The following MAP3K4 variants were observed in gnomAD, a reference collection of about 807,000 sequenced individuals.
MAP3K4 encodes the protein MAP three kinase 1.
Under a neutral mutation model 185.6 loss-of-function variants are expected in MAP3K4, and 67 were observed. The ratio of observed to expected loss-of-function variants is 0.36; its 90% CI spans 0.30 to 0.44. The LOEUF is 0.44. MAP3K4 is among the 20% of genes least tolerant of loss of function. MAP3K4 has a pLI of 1.00. For synonymous variants in MAP3K4, 702 were observed against 710.4 expected, an observed-to-expected ratio of 0.99 and a Z score of 0.19; for missense variants, 1,551 against 1,995.1, an observed-to-expected ratio of 0.78 and a Z score of 4.24.
Position 161,034,777 on chromosome 6 carries a change from A to G in MAP3K4, c.343+328A>G, listed in dbSNP as rs570161153. Among the ~76,000 whole-genome samples, 1 of 152,276 alleles carries G rather than the reference A, an allele frequency of 6.6e-6. No homozygotes were observed. Among genetic ancestry groups the G allele is most frequent in the South Asian group, 2.1e-4 (1 of 4,828 alleles). On this transcript the variant is annotated intron_variant, in intron 2 of 26. Transcript: ENST00000392142. This position sits in a 1 kb window ranked among gnomAD's most constrained non-coding sequence, Gnocchi z 4.4. ...TGGCCTTCTATTCTTTCAGTCTCTT[A>G]GGCTGAAGTTTCTAGATTTCCTCTG...
At position 161,037,646 on chromosome 6, in the gene MAP3K4, G is replaced by A. The variant is rs558735485; in HGVS notation, c.343+3197G>A. Among the ~76,000 whole-genome samples the A allele has an allele frequency of 6.6e-6, 1 of 151,680 alleles. No individual in the cohort carries two copies. The highest frequency in any genetic ancestry group is 6.6e-5 in the Admixed American group (1 of 15,210). On this transcript the variant is annotated intron_variant, in intron 2 of 26. Coordinates refer to ENST00000392142, the MANE Select transcript of MAP3K4 (RefSeq NM_005922.4). The surrounding 1 kb of genome is among the most constrained non-coding windows in gnomAD (Gnocchi z 4.2). ...TTGGCCAGGCTGGTCTCGAACTGCT[G>A]ACCTCAGGTGATCCACCTGCCTCAG...
In MAP3K4 at chr6:161,091,308, CT is replaced by C; in HGVS notation, c.2974-69del. The C allele has an allele frequency of 7.6e-7, 1 of 1,316,340 alleles. No homozygotes were observed. The highest frequency in any genetic ancestry group is 1.6e-5 in the South Asian group (1 of 61,804). The allele number at this position is 1,316,340 out of a possible 1,614,324, so 81.5% of individuals were successfully genotyped here. A position where few individuals can be genotyped will look rare whatever the true frequency, so the allele number is the denominator to read the frequency against. ...ATGTCTGTGTGATGATGAACGAAATCTTCCTTTAAAATGTGGTAAGTATTGT... is the reference window on the plus strand; with the variant it reads ...ATGTCTGTGTGATGATGAACGAAATCTCCTTTAAAATGTGGTAAGTATTGT... On this transcript the variant is annotated intron_variant, in intron 11 of 26. Coordinates refer to ENST00000392142, the MANE Select transcript of MAP3K4 (RefSeq NM_005922.4). This position sits in a 1 kb window ranked among gnomAD's most constrained non-coding sequence, Gnocchi z 5.5.
intron 1 of MAP3K4, among the ~76,000 whole-genome samples, chr6:160,994,998 C>G (rs1249485205): frequency 1.3e-5 from 2 of 152,198 alleles, no homozygotes; most frequent in African/African-American, 4.8e-5. Context: ...TGCGCCTGGC[C>G]AGTTTTTTAA....
intron 1 of MAP3K4, among the ~76,000 whole-genome samples, chr6:161,023,294 T>A (rs1782488841): frequency 6.6e-6 from 1 of 152,228 alleles, no homozygotes; most frequent in South Asian, 2.1e-4. Context: ...TTGCCATAAA[T>A]AGAAAATAAT....
rs753140549 is a variant in MAP3K4 at position 161,048,279 on chromosome 6, C to T, written c.344-337C>T. The T allele has an allele frequency of 1.8e-6, 1 of 553,124 alleles. No homozygotes were observed. Among genetic ancestry groups the T allele is most frequent in the South Asian group, 1.4e-5 (1 of 71,624 alleles). The allele number at this position is 553,124 out of a possible 1,614,324, so 34.3% of individuals were successfully genotyped here. ...CAGATCTCCCATGCTGTTTCTTCCT[C>T]CTTAAATTGAAGGTGATTACTTACG... is the stretch of plus-strand genomic sequence containing the variant. On this transcript the variant is annotated intron_variant, in intron 2 of 26. Coordinates refer to ENST00000392142, the MANE Select transcript of MAP3K4 (RefSeq NM_005922.4). The surrounding 1 kb of genome is among the most constrained non-coding windows in gnomAD (Gnocchi z 4.7).
At chr6:161,010,034 A>T (rs1781775674) in intron 1 of MAP3K4, among the ~76,000 whole-genome samples, 2 of 152,232 alleles carry the variant, frequency 1.3e-5, no homozygotes, top group Admixed American at 6.5e-5. Context: ...AATAAAAAAG[A>T]AAAAGCTCTT....
Position 161,097,781 on chromosome 6 carries a change from G to T in MAP3K4, c.3525-497G>T, listed in dbSNP as rs919086142. On this transcript the variant is annotated intron_variant, in intron 16 of 26. Coordinates refer to ENST00000392142, the MANE Select transcript of MAP3K4 (RefSeq NM_005922.4). This position sits in a 1 kb window ranked among gnomAD's most constrained non-coding sequence, Gnocchi z 4.9. ...TGCTAGATAAGGACCACAGTTTTTTGTTTTTTTTTTAAAGCTTTGAGGGGA... is the reference window on the plus strand; with the variant it reads ...TGCTAGATAAGGACCACAGTTTTTTTTTTTTTTTTTAAAGCTTTGAGGGGA... 5.3e-5 allele frequency among the ~76,000 whole-genome samples: 8 copies of T among 150,126 alleles called. No individual in the cohort carries two copies. In the East Asian group the frequency reaches 1.2e-3, roughly 22 times the overall value.
intron 19 of MAP3K4, among the ~76,000 whole-genome samples, chr6:161,104,173 G>C (rs1021741273): frequency 4.6e-5 from 7 of 152,114 alleles, no homozygotes; most frequent in African/African-American, 1.7e-4. Context: ...CCAGCACTTT[G>C]GAAGGCCGAG....
At position 161,116,771 on chromosome 6, in the gene MAP3K4, C is replaced by T; in HGVS notation, c.4807-79C>T. The T allele has an allele frequency of 7.7e-7, 1 of 1,297,720 alleles. No homozygotes were observed. Among genetic ancestry groups the T allele is most frequent in the Non-Finnish European group, 1.1e-6 (1 of 896,388 alleles). 80.4% of individuals were successfully genotyped at this position (1,297,720 alleles called of 1,614,324 possible). ...TCAGGATGAGTGGATGGGGCCTTCC[C>T]CGTAAGACTCATACTGCGCGTATGC... On this transcript the variant is annotated intron_variant, in intron 26 of 26. Transcript: ENST00000392142. This position sits in a 1 kb window ranked among gnomAD's most constrained non-coding sequence, Gnocchi z 6.2.
At chr6:161,060,108 TAGATTCCTTA>T (rs1583179690) in intron 3 of MAP3K4, among the ~76,000 whole-genome samples, 1 of 152,216 alleles carries the variant, frequency 6.6e-6, no homozygotes, top group Non-Finnish European at 1.5e-5. Context: ...GAACATTGCC[TAGATTCCTTA>T]ATACATTAAG....
rs910205094 is a variant in MAP3K4, at chr6:161,008,260, G to A, written c.152+16177G>A. ...ATCTTAATTTAACCAGTCTTTTGTCGGACTCTTAGGATGTTTCTGTTTCTT... is the reference window on the plus strand; with the variant it reads ...ATCTTAATTTAACCAGTCTTTTGTCAGACTCTTAGGATGTTTCTGTTTCTT... On this transcript the variant is annotated intron_variant, in intron 1 of 26. Coordinates refer to ENST00000392142, the MANE Select transcript of MAP3K4 (RefSeq NM_005922.4). This position sits in a 1 kb window ranked among gnomAD's most constrained non-coding sequence, Gnocchi z 4.1. Among the ~76,000 whole-genome samples the A allele has an allele frequency of 5.9e-5, 9 of 151,946 alleles. No individual in the cohort carries two copies. The highest frequency in any genetic ancestry group is 1.9e-4 in the African/African-American group (8 of 41,364).
chr6:161,017,526 T>C lies in MAP3K4; in HGVS notation c.153-16733T>C, dbSNP rs9458092. Among the ~76,000 whole-genome samples the C allele has an allele frequency of 0.027, 4,108 of 152,134 alleles. 122 individuals are homozygous for C. Among genetic ancestry groups the C allele is most frequent in the African/African-American group, 0.072 (2,988 of 41,496 alleles). On this transcript the variant is annotated intron_variant, in intron 1 of 26. Coordinates refer to ENST00000392142, the MANE Select transcript of MAP3K4 (RefSeq NM_005922.4). The surrounding 1 kb of genome is among the most constrained non-coding windows in gnomAD (Gnocchi z 5.1). The stretch of plus-strand genomic sequence containing the variant: ...GTTTGTAAAAGCCTAAGTTTTAGAG[T>C]TTTTATATGCCTAAAAATTAGGTCC...
chr6:161,091,865 A>T lies in MAP3K4; in HGVS notation c.3136-145A>T. ...CATTTTGAAACACTGTACTTTCCATAATTCTTCATACTATTCAAAATATAG... is the reference window on the plus strand; with the variant it reads ...CATTTTGAAACACTGTACTTTCCATTATTCTTCATACTATTCAAAATATAG... On this transcript the variant is annotated intron_variant, in intron 12 of 26. Transcript: ENST00000392142. This position sits in a 1 kb window ranked among gnomAD's most constrained non-coding sequence, Gnocchi z 5.5. 1.4e-6 allele frequency: 1 copy of T among 701,730 alleles called. No individual in the cohort carries two copies. Among genetic ancestry groups the T allele is most frequent in the Non-Finnish European group, 2.3e-6 (1 of 431,468 alleles). The allele number at this position is 701,730 out of a possible 1,614,324, so 43.5% of individuals were successfully genotyped here.
intron 10 of MAP3K4, among the ~76,000 whole-genome samples, chr6:161,089,119 C>T (rs922839376): frequency 1.3e-5 from 2 of 152,130 alleles, no homozygotes; most frequent in African/African-American, 2.4e-5. Context: ...GGTTCTTCTC[C>T]GTGGTGCTGA....
rs768756663 is a variant in MAP3K4 at position 161,049,358 on chromosome 6, G to A, written c.1086G>A (p.Glu362=). The change falls in exon 3 of 27, where the codon GAG becomes GAA. Residue 362 remains glutamate, a synonymous_variant. Coordinates refer to ENST00000392142, the MANE Select transcript of MAP3K4 (RefSeq NM_005922.4). The surrounding 1 kb of genome is among the most constrained non-coding windows in gnomAD (Gnocchi z 8.4). The part of the protein sequence containing the change: ...EQVKRIMELL[E]YIEALYPSLQ... ...TAAAACGGATAATGGAGCTGCTAGAGTACATAGAAGCACTTTATCCATCAT... is the reference window on the plus strand; with the variant it reads ...TAAAACGGATAATGGAGCTGCTAGAATACATAGAAGCACTTTATCCATCAT... The A allele has an allele frequency of 6.2e-7, 1 of 1,614,182 alleles. No homozygotes were observed. The highest frequency in any genetic ancestry group is 8.5e-7 in the Non-Finnish European group (1 of 1,180,032).
In MAP3K4 at chr6:161,074,354, T is replaced by C. The variant is rs1733204820; in HGVS notation, c.2097+742T>C. Among the ~76,000 whole-genome samples the C allele has an allele frequency of 6.6e-6, 1 of 152,270 alleles. No homozygotes were observed. The highest frequency in any genetic ancestry group is 2.4e-5 in the African/African-American group (1 of 41,466). On this transcript the variant is annotated intron_variant, in intron 5 of 26. Transcript: ENST00000392142. The surrounding 1 kb of genome is among the most constrained non-coding windows in gnomAD (Gnocchi z 5.0). ...GAATGTGCCCTGTGCTTTTAACCTC[T>C]GTTCACATTCTTCTTTCCTGTTAGA... is the stretch of plus-strand genomic sequence containing the variant.
intron 10 of MAP3K4, 103 bp from the exon 11 acceptor site, chr6:161,089,219 C>A: frequency 7.9e-7 from 1 of 1,272,370 alleles, no homozygotes; most frequent in Non-Finnish European, 1.1e-6. Flanking sequence ...GGTTGTTGGC[C>A]TGGTATCCCT....
intron 2 of MAP3K4, among the ~76,000 whole-genome samples, chr6:161,035,359 T>C (rs1213041630): frequency 6.6e-6 from 1 of 152,198 alleles, no homozygotes; most frequent in African/African-American, 2.4e-5. Context: ...TTCCTCTTTG[T>C]TCTGCTTCCT....
rs1785408942 is a variant in MAP3K4, at chr6:161,080,688, T to C, written c.2098-193T>C. 2 of 540,312 alleles carry C rather than the reference T, an allele frequency of 3.7e-6. No individual in the cohort carries two copies. Among genetic ancestry groups the C allele is most frequent in the Admixed American group, 7.1e-5 (2 of 28,174 alleles). 33.5% of individuals were successfully genotyped at this position (540,312 alleles called of 1,614,324 possible). A position where few individuals can be genotyped will look rare whatever the true frequency, so the allele number is the denominator to read the frequency against. On this transcript the variant is annotated intron_variant, in intron 5 of 26. Transcript: ENST00000392142. This position sits in a 1 kb window ranked among gnomAD's most constrained non-coding sequence, Gnocchi z 4.8. ...TGTTAAATTGCTGGGGAGTTAGTTTTGTGATTTTTTAAAAAATCCTCATTT... is the reference window on the plus strand; with the variant it reads ...TGTTAAATTGCTGGGGAGTTAGTTTCGTGATTTTTTAAAAAATCCTCATTT...
Sources: allele counts gnomAD v4.1 joint callset (sites outside exome capture counted in the v4.1 genomes callset), GRCh38; gene constraint gnomAD v4.1.1; non-coding constraint Gnocchi (gnomAD v3.1); transcripts MANE v1.5; gene names NCBI Gene and HGNC (gene_info 2026-07-23, HGNC 2026-07-21).